NET1: variants seen among roughly 807,000 people sequenced by gnomAD.
The protein encoded by NET1 is neuroepithelial cell-transforming gene 1 protein.
Under a neutral mutation model 61.1 loss-of-function variants are expected in NET1, and 42 were observed. That is an observed-to-expected ratio of 0.69 (90% CI 0.54 to 0.89). The LOEUF (loss-of-function observed/expected upper bound fraction) is 0.89. NET1 is among the 40% of genes least tolerant of loss of function. The pLI, the probability that NET1 is intolerant of heterozygous loss-of-function variation, is 0.00. For synonymous variants in NET1, 254 were observed against 281.8 expected (o/e 0.90, Z 0.99); for missense variants, 654 against 747.3 (o/e 0.88, Z 1.46).
chr10:5,417,239 G>A lies in NET1; in HGVS notation c.128+4419G>A, dbSNP rs573117646. The stretch of plus-strand genomic sequence containing the variant: ...CAGCCACCTGTGTGTCTGCCTGCTA[G>A]GGTCTCGGGGGGTTTTTATAGGCAC... On this transcript the variant is annotated intron_variant, in intron 1 of 11. Coordinates refer to ENST00000355029, the MANE Select transcript of NET1 (RefSeq NM_001047160.3). This position sits in a 1 kb window ranked among gnomAD's most constrained non-coding sequence, Gnocchi z 5.5. 2.0e-5 allele frequency among the ~76,000 whole-genome samples: 3 copies of A among 152,198 alleles called. No individual in the cohort carries two copies. The highest frequency in any genetic ancestry group is 3.9e-4 in the East Asian group (2 of 5,160).
In NET1 at chr10:5,426,706, C is replaced by G; in HGVS notation, c.180C>G (p.Asn60Lys). ...SSFTFLTPGPNWDFTLKRKRR... is the reference protein window; with the variant it reads ...SSFTFLTPGPKWDFTLKRKRR... The stretch of plus-strand genomic sequence containing the variant: ...TCACATTCTTAACACCTGGCCCCAA[C>G]TGGGACTTCACTTTGGTGAGTAGAT... The change falls in exon 2 of 12, where the codon AAC becomes AAG. Residue 60 changes from asparagine to lysine, a missense_variant. Asn to Lys is a moderately conservative substitution (Grantham distance 94). Transcript: ENST00000355029. This position sits in a 1 kb window ranked among gnomAD's most constrained non-coding sequence, Gnocchi z 4.6. 6.2e-7 allele frequency: 1 copy of G among 1,603,340 alleles called. No individual in the cohort carries two copies. The highest frequency in any genetic ancestry group is 8.5e-7 in the Non-Finnish European group (1 of 1,175,822).
intron 3 of NET1, among the ~76,000 whole-genome samples, chr10:5,445,924 G>C (rs1000059441): frequency 7.2e-5 from 11 of 152,192 alleles, no homozygotes; most frequent in Non-Finnish European, 1.2e-4. Flanking sequence ...ATACAATATA[G>C]AGAACAGAAA....
rs985200167 is a variant in NET1 at position 5,458,187 on chromosome 10, A to T, written c.*1193A>T. The T allele has an allele frequency of 6.6e-6, 1 of 152,218 alleles. No homozygotes were observed. Among genetic ancestry groups the T allele is most frequent in the Non-Finnish European group, 1.5e-5 (1 of 68,042 alleles). The allele number at this position is 152,218 out of a possible 1,614,324, so 9.4% of individuals were successfully genotyped here. On this transcript the variant is annotated 3_prime_UTR_variant, in exon 12 of 12. Coordinates refer to ENST00000355029, the MANE Select transcript of NET1 (RefSeq NM_001047160.3). The surrounding 1 kb of genome is among the most constrained non-coding windows in gnomAD (Gnocchi z 4.5). Reference sequence around the variant, plus strand: ...TGTGTTAAAAATTTGACCATATTAGATAAATTTTCGTGGATTTAGTCATAA... The same window carrying T: ...TGTGTTAAAAATTTGACCATATTAGTTAAATTTTCGTGGATTTAGTCATAA...
rs1317057863 is a variant in NET1, at chr10:5,449,911, C to T, written c.256-1919C>T. ...GGAGTTAACCTCTGTTCCCAAAAAG[C>T]GGAACAGAACTTTCTGACAACTGCT... On this transcript the variant is annotated intron_variant, in intron 3 of 11. Coordinates refer to ENST00000355029, the MANE Select transcript of NET1 (RefSeq NM_001047160.3). This position sits in a 1 kb window ranked among gnomAD's most constrained non-coding sequence, Gnocchi z 4.4. Among the ~76,000 whole-genome samples, 6 of 152,154 alleles carry T rather than the reference C, an allele frequency of 3.9e-5. No homozygotes were observed. Among genetic ancestry groups the T allele is most frequent in the African/African-American group, 1.4e-4 (6 of 41,428 alleles).
In NET1 at chr10:5,419,610, G is replaced by A. The variant is rs1171049884; in HGVS notation, c.128+6790G>A. ...GTTTTGTATGTGAACTCAGATTACC[G>A]TCTGTGGTCACTGGCTTTCAGCCAG... On this transcript the variant is annotated intron_variant, in intron 1 of 11. Coordinates refer to ENST00000355029, the MANE Select transcript of NET1 (RefSeq NM_001047160.3). Among the ~76,000 whole-genome samples, 3 of 151,992 alleles carry A rather than the reference G, an allele frequency of 2.0e-5. No homozygotes were observed. In the South Asian group the frequency reaches 6.2e-4, roughly 32 times the overall value.
At position 5,451,736 on chromosome 10, in the gene NET1, A is replaced by G; in HGVS notation, c.256-94A>G. The G allele has an allele frequency of 2.3e-6, 2 of 852,690 alleles. No homozygotes were observed. Among genetic ancestry groups the G allele is most frequent in the Non-Finnish European group, 3.6e-6 (2 of 548,834 alleles). The allele number at this position is 852,690 out of a possible 1,614,324, so 52.8% of individuals were successfully genotyped here. A position where few individuals can be genotyped will look rare whatever the true frequency, so the allele number is the denominator to read the frequency against. On this transcript the variant is annotated intron_variant, in intron 3 of 11. Transcript: ENST00000355029. This position sits in a 1 kb window ranked among gnomAD's most constrained non-coding sequence, Gnocchi z 6.1. ...TGTTTCTGTATTTTATAATGTACAA[A>G]AATTGTTTTGTGAGAGGGCTTTACT...
intron 3 of NET1, among the ~76,000 whole-genome samples, chr10:5,445,454 T>C (rs1832591816): frequency 6.6e-6 from 1 of 152,262 alleles, no homozygotes; most frequent in Non-Finnish European, 1.5e-5. Flanking sequence ...CTTTAGCAGA[T>C]ATGAAGCCTA....
chr10:5,442,189 G>T (rs1007923986), intron 3 of NET1, among the ~76,000 whole-genome samples: 1 of 152,082 alleles, frequency 6.6e-6, no homozygotes, highest in Non-Finnish European at 1.5e-5. Flanking sequence ...ATGTAATGTC[G>T]TTACAAATAT....
At chr10:5,442,773 A>G (rs1832542771) in intron 3 of NET1, among the ~76,000 whole-genome samples, 1 of 151,554 alleles carries the variant, frequency 6.6e-6, no homozygotes, top group Admixed American at 6.6e-5. Flanking sequence ...CACACTCGGG[A>G]GGCTGAGGCA....
Position 5,415,789 on chromosome 10 carries a change from C to T in NET1, c.128+2969C>T, listed in dbSNP as rs946708175. Among the ~76,000 whole-genome samples, 9 of 152,124 alleles carry T rather than the reference C, an allele frequency of 5.9e-5. No homozygotes were observed. The highest frequency in any genetic ancestry group is 2.2e-4 in the African/African-American group (9 of 41,430). On this transcript the variant is annotated intron_variant, in intron 1 of 11. Coordinates refer to ENST00000355029, the MANE Select transcript of NET1 (RefSeq NM_001047160.3). The surrounding 1 kb of genome is among the most constrained non-coding windows in gnomAD (Gnocchi z 4.7). ...ATTGAGTTGTTAAGAGTTCTTTATT[C>T]TGGATACAAGTCCCTTATCAGATAG...
In NET1 at chr10:5,452,821, G is replaced by A. The variant is rs765988957; in HGVS notation, c.532-37G>A. 1.9e-5 allele frequency: 30 copies of A among 1,585,548 alleles called. No individual in the cohort carries two copies. The highest frequency in any genetic ancestry group is 1.2e-4 in the South Asian group (10 of 85,836). On this transcript the variant is annotated intron_variant, in intron 5 of 11. Transcript: ENST00000355029. This position sits in a 1 kb window ranked among gnomAD's most constrained non-coding sequence, Gnocchi z 4.0. ...CAGTTGTATATAATTTTCCTTTCTCGAAGGAATGACCTCTGATGTTTGCTG... is the reference window on the plus strand; with the variant it reads ...CAGTTGTATATAATTTTCCTTTCTCAAAGGAATGACCTCTGATGTTTGCTG...
chr10:5,429,714 T>G (rs1018617661), intron 3 of NET1, among the ~76,000 whole-genome samples: 1 of 152,206 alleles, frequency 6.6e-6, no homozygotes, highest in Admixed American at 6.5e-5. Flanking sequence ...GCTTCAAGTA[T>G]GTGACATAGA....
Position 5,436,184 on chromosome 10 carries a change from TGTTGTGTGTG to T in NET1, c.255+6956_255+6965del, listed in dbSNP as rs1342495863. On this transcript the variant is annotated intron_variant, in intron 3 of 11. Transcript: ENST00000355029. ...GGAGGTGTGTGTGTGTGTGTGTGTGTGTTGTGTGTGTGTGTGTGTGTGTGTGTGTGTGTGT... is the reference window on the plus strand; with the variant it reads ...GGAGGTGTGTGTGTGTGTGTGTGTGTTGTGTGTGTGTGTGTGTGTGTGTGT... 2.8e-3 allele frequency among the ~76,000 whole-genome samples: 164 copies of T among 58,724 alleles called. 1 individual carries two copies. The highest frequency in any genetic ancestry group is 8.0e-3 in the African/African-American group (118 of 14,744). The allele number at this position is 58,724 out of a possible 152,430, so 38.5% of individuals were successfully genotyped here.
Position 5,426,860 on chromosome 10 carries a change from C to T in NET1, c.195+139C>T. ...GAATTCCTGTAACCATCTTTGGCAG[C>T]CTAATTTAGTCCTTTTCTGCTAACA... On this transcript the variant is annotated intron_variant, in intron 2 of 11. Coordinates refer to ENST00000355029, the MANE Select transcript of NET1 (RefSeq NM_001047160.3). This position sits in a 1 kb window ranked among gnomAD's most constrained non-coding sequence, Gnocchi z 4.6. The T allele has an allele frequency of 2.0e-6, 1 of 502,818 alleles. No homozygotes were observed. The highest frequency in any genetic ancestry group is 3.4e-6 in the Non-Finnish European group (1 of 291,010). 31.1% of individuals were successfully genotyped at this position (502,818 alleles called of 1,614,324 possible).
Position 5,440,821 on chromosome 10 carries a change from T to C in NET1, c.256-11009T>C, listed in dbSNP as rs1832513685. On this transcript the variant is annotated intron_variant, in intron 3 of 11. Transcript: ENST00000355029. The surrounding 1 kb of genome is among the most constrained non-coding windows in gnomAD (Gnocchi z 4.1). The stretch of plus-strand genomic sequence containing the variant: ...ACTATGTAAGGCATTGCCTCACTAC[T>C]CTGTGTCTCATCCCTATTCATACCT... 6.6e-6 allele frequency among the ~76,000 whole-genome samples: 1 copy of C among 152,238 alleles called. No homozygotes were observed. The highest frequency in any genetic ancestry group is 2.4e-5 in the African/African-American group (1 of 41,468).
rs755001882 is a variant in NET1, at chr10:5,451,780, A to C, written c.256-50A>C. 1 of 1,429,900 alleles carries C rather than the reference A, an allele frequency of 7.0e-7. No individual in the cohort carries two copies. Among genetic ancestry groups the C allele is most frequent in the South Asian group, 1.2e-5 (1 of 82,470 alleles). 88.6% of individuals were successfully genotyped at this position (1,429,900 alleles called of 1,614,324 possible). ...CTTTACTTTGTCCAAGTTTGTATGA[A>C]ATCATTGCACCTAGACATATATTTA... On this transcript the variant is annotated intron_variant, in intron 3 of 11. Coordinates refer to ENST00000355029, the MANE Select transcript of NET1 (RefSeq NM_001047160.3). The surrounding 1 kb of genome is among the most constrained non-coding windows in gnomAD (Gnocchi z 6.1).
intron 3 of NET1, 109 bp downstream of exon 3, chr10:5,429,338 GT>G (rs997187504): frequency 2.4e-6 from 2 of 828,328 alleles, no homozygotes; most frequent in Non-Finnish European, 3.8e-6. Context: ...TTGTTTTTTT[GT>G]TTTTTGCATT....
Position 5,412,662 on chromosome 10 carries a change from C to T in NET1, c.-31C>T. 6.9e-7 allele frequency: 1 copy of T among 1,453,348 alleles called. No homozygotes were observed. The highest frequency in any genetic ancestry group is 9.0e-7 in the Non-Finnish European group (1 of 1,114,718). 90.0% of individuals were successfully genotyped at this position (1,453,348 alleles called of 1,614,324 possible). ...CCGTCCCTGCCGGTCTCCCGGGCAC[C>T]CGGCCACCGCCCCACCCCCTCCTCC... is the stretch of plus-strand genomic sequence containing the variant. On this transcript the variant is annotated 5_prime_UTR_variant, in exon 1 of 12. Coordinates refer to ENST00000355029, the MANE Select transcript of NET1 (RefSeq NM_001047160.3). The surrounding 1 kb of genome is among the most constrained non-coding windows in gnomAD (Gnocchi z 6.5).
chr10:5,427,038 T>A lies in NET1; in HGVS notation c.195+317T>A, dbSNP rs931077965. Among the ~76,000 whole-genome samples the A allele has an allele frequency of 1.3e-5, 2 of 152,140 alleles. No homozygotes were observed. The highest frequency in any genetic ancestry group is 4.8e-5 in the African/African-American group (2 of 41,448). ...TGAAACATGAAATTATTTTTATACA[T>A]CCTCTACTGCCTTTTTTTCTTGGTT... On this transcript the variant is annotated intron_variant, in intron 2 of 11. Transcript: ENST00000355029. This position sits in a 1 kb window ranked among gnomAD's most constrained non-coding sequence, Gnocchi z 4.1.
Sources: gnomAD v4.1 joint callset for allele counts (sites outside exome capture counted in the v4.1 genomes callset) on GRCh38, gnomAD v4.1.1 for gene constraint, Gnocchi (gnomAD v3.1) non-coding constraint, MANE v1.5 for transcripts, NCBI Gene and HGNC (gene_info 2026-07-23, HGNC 2026-07-21) for gene names.